Variants in GRM7 observed in about 807,000 individuals in gnomAD.
GRM7 encodes the protein glutamate metabotropic receptor 7.
A neutral mutation model predicts 84.5 loss-of-function variants in GRM7; 35 were observed. The observed-to-expected ratio is 0.41, with a 90% CI of 0.32 to 0.55. The LOEUF is 0.55. GRM7 is among the 20% of genes least tolerant of loss of function. The pLI, the probability that GRM7 is intolerant of heterozygous loss-of-function variation, is 0.19. For missense variants in GRM7, 1,003 were observed against 1,194.6 expected (o/e 0.84, Z 2.36); for synonymous variants, 487 against 455.1 (o/e 1.07, Z -0.89).
chr3:7,499,930 A>T (rs1215618918), intron 7 of GRM7, among the ~76,000 whole-genome samples: 4 of 152,028 alleles, frequency 2.6e-5, no homozygotes, highest in Admixed American at 6.6e-5. Flanking sequence ...GCCCGTCACC[A>T]CGCCCGGCTA....
chr3:7,157,040 G>C (rs1268098295), intron 2 of GRM7, among the ~76,000 whole-genome samples: 1 of 152,026 alleles, frequency 6.6e-6, no homozygotes, highest in African/African-American at 2.4e-5. Context: ...AAGAAGCTTG[G>C]ACTGGATGGG....
At chr3:7,402,111 C>G (rs1295816841) in intron 4 of GRM7, among the ~76,000 whole-genome samples, 1 of 152,254 alleles carries the variant, frequency 6.6e-6, no homozygotes, top group South Asian at 2.1e-4. Flanking sequence ...TTTTCTACTT[C>G]TCAGCCTATG....
At chr3:6,901,015 G>T (rs1452571100) in intron 1 of GRM7, among the ~76,000 whole-genome samples, 1 of 152,114 alleles carries the variant, frequency 6.6e-6, no homozygotes, top group East Asian at 1.9e-4. Flanking sequence ...CTGGAAAATA[G>T]TTTTCTTCAT....
At chr3:7,024,187 C>A (rs1695887939) in intron 1 of GRM7, among the ~76,000 whole-genome samples, 1 of 152,134 alleles carries the variant, frequency 6.6e-6, no homozygotes, top group Admixed American at 6.6e-5. Context: ...ATCTTATTTA[C>A]AACAGACCTA....
At chr3:7,469,064 A>G (rs1698583547) in intron 7 of GRM7, among the ~76,000 whole-genome samples, 1 of 152,200 alleles carries the variant, frequency 6.6e-6, no homozygotes, top group South Asian at 2.1e-4. Context: ...TGCTGAGCAT[A>G]TAGAAATGGC....
rs545378080 is a variant in GRM7, at chr3:7,327,111, C to T, written c.1033+20459C>T. Among the ~76,000 whole-genome samples, 9 of 152,342 alleles carry T rather than the reference C, an allele frequency of 5.9e-5. No individual in the cohort carries two copies. The East Asian group carries it at 1.7e-3, about 29-fold the overall frequency. ...TTAATTGGTTAATTAAAGTGCTTTT[C>T]TGTATTTGCCCAGTATCTCTGGAGC... is the stretch of plus-strand genomic sequence containing the variant. On this transcript the variant is annotated intron_variant, in intron 4 of 9. Coordinates refer to ENST00000357716, the MANE Select transcript of GRM7 (RefSeq NM_000844.4).
intron 7 of GRM7, among the ~76,000 whole-genome samples, chr3:7,549,718 A>G (rs17047582): frequency 0.21 from 31,733 of 152,192 alleles, 4,955 homozygotes; most frequent in African/African-American, 0.44. Context: ...AGGCAAAATC[A>G]GGTCTGTTTT....
At chr3:7,022,386 C>CACACACACACACA in intron 1 of GRM7, among the ~76,000 whole-genome samples, 1 of 150,178 alleles carries the variant, frequency 6.7e-6, no homozygotes, top group African/African-American at 2.5e-5. Context: ...CACACACACA[C>CACACACACACACA]CAGTGGTCAA....
Position 7,213,622 on chromosome 3 carries a change from G to A in GRM7, c.736+66954G>A, listed in dbSNP as rs553627049. 6.6e-5 allele frequency among the ~76,000 whole-genome samples: 10 copies of A among 152,248 alleles called. No homozygotes were observed. The South Asian group carries it at 1.0e-3, about 16-fold the overall frequency. On this transcript the variant is annotated intron_variant, in intron 2 of 9. Transcript: ENST00000357716. The stretch of plus-strand genomic sequence containing the variant: ...TGGAAAACATTTGTGAGGGAATGGC[G>A]GGAACAGGAGGATAGAGGAAGACGA...
intron 4 of GRM7, among the ~76,000 whole-genome samples, chr3:7,364,925 G>T (rs115022435): frequency 6.6e-6 from 1 of 151,658 alleles, no homozygotes; most frequent in African/African-American, 2.4e-5. Flanking sequence ...TCACTTACCT[G>T]GTTCGCTCTC....
chr3:7,237,275 C>G (rs951906568), intron 2 of GRM7, among the ~76,000 whole-genome samples: 1 of 152,114 alleles, frequency 6.6e-6, no homozygotes, highest in African/African-American at 2.4e-5. Context: ...CTTGAGAAGC[C>G]CCTTAACTTT....
chr3:7,487,622 C>G (rs1699369332), intron 7 of GRM7, among the ~76,000 whole-genome samples: 1 of 152,182 alleles, frequency 6.6e-6, no homozygotes, highest in African/African-American at 2.4e-5. Flanking sequence ...CAAGTGTAGG[C>G]CTTGTTGCCA....
At chr3:7,089,633 A>C (rs892617116) in intron 1 of GRM7, among the ~76,000 whole-genome samples, 6 of 152,188 alleles carry the variant, frequency 3.9e-5, no homozygotes, top group African/African-American at 1.4e-4. Flanking sequence ...ATTCAGGAAA[A>C]ACAGTAACAT....
intron 1 of GRM7, among the ~76,000 whole-genome samples, chr3:7,061,538 G>T (rs2124970109): frequency 6.6e-6 from 1 of 151,826 alleles, no homozygotes; most frequent in East Asian, 2.0e-4. Flanking sequence ...TCTGGAAATT[G>T]TGATAGGAAA....
chr3:7,446,931 C>T (rs1697540804), intron 5 of GRM7, among the ~76,000 whole-genome samples: 1 of 152,120 alleles, frequency 6.6e-6, no homozygotes, highest in Non-Finnish European at 1.5e-5. Context: ...TTCCCCATAG[C>T]ATGACCATTA....
Position 7,525,380 on chromosome 3 carries a change from T to TA in GRM7, c.1516-53041dup, listed in dbSNP as rs369471284. Among the ~76,000 whole-genome samples, 258 of 152,192 alleles carry TA rather than the reference T, an allele frequency of 1.7e-3. 2 individuals carry two copies. The highest frequency in any genetic ancestry group is 5.9e-3 in the African/African-American group (246 of 41,542). ...AATCCAAATCTTTGGGAATGGAGTA[T>TA]AGGAAACTGATTTGTTTTTGGGGGG... On this transcript the variant is annotated intron_variant, in intron 7 of 9. Transcript: ENST00000357716.
At chr3:7,574,161 CTTTTT>C (rs3034008) in intron 7 of GRM7, among the ~76,000 whole-genome samples, 3 of 133,690 alleles carry the variant, frequency 2.2e-5, no homozygotes, top group Non-Finnish European at 1.6e-5. Flanking sequence ...CTTAGGCTTG[CTTTTT>C]TTTTTTTTTT....
Position 7,074,090 on chromosome 3 carries a change from T to C in GRM7, c.520-72362T>C, listed in dbSNP as rs1697980576. On this transcript the variant is annotated intron_variant, in intron 1 of 9. Transcript: ENST00000357716. ...TATGAACAAGAATAAAATATTAATGTTTTTATATTAATAAGAGTAGCAAAA... is the reference window on the plus strand; with the variant it reads ...TATGAACAAGAATAAAATATTAATGCTTTTATATTAATAAGAGTAGCAAAA... Among the ~76,000 whole-genome samples, 5 of 152,296 alleles carry C rather than the reference T, an allele frequency of 3.3e-5. No homozygotes were observed. The South Asian group carries it at 1.0e-3, about 32-fold the overall frequency.
In GRM7 at chr3:7,632,103, A is replaced by C. The variant is rs73810810; in HGVS notation, c.2452-47946A>C. Among the ~76,000 whole-genome samples the C allele has an allele frequency of 4.6e-3, 708 of 152,336 alleles. 4 individuals are homozygous for C. Among genetic ancestry groups the C allele is most frequent in the African/African-American group, 0.016 (653 of 41,574 alleles). On this transcript the variant is annotated intron_variant, in intron 8 of 9. Coordinates refer to ENST00000357716, the MANE Select transcript of GRM7 (RefSeq NM_000844.4). ...CAGAGTTTGATCCACTCAGGACAGT[A>C]ATGCAGGCTTGTGTAAGTGGAGGTG...
Sources: gnomAD v4.1 joint callset for allele counts (sites outside exome capture counted in the v4.1 genomes callset) on GRCh38, gnomAD v4.1.1 for gene constraint, MANE v1.5 for transcripts, NCBI Gene and HGNC (gene_info 2026-07-23, HGNC 2026-07-21) for gene names.